The following ZNF385D variants were observed in gnomAD, a reference collection of about 807,000 sequenced individuals.
ZNF385D encodes the protein zinc finger protein 659.
In ZNF385D, 15 loss-of-function variants were observed where a neutral mutation model predicts 35.8. The ratio of observed to expected loss-of-function variants is 0.42; its 90% CI spans 0.28 to 0.64. The LOEUF is 0.64. ZNF385D is among the 30% of genes least tolerant of loss of function. The probability of loss-of-function intolerance (pLI) is 0.23; values close to 1 mark genes in which losing one functional copy is unlikely to be tolerated. For missense variants in ZNF385D, 474 were observed against 494.6 expected (o/e 0.96, Z 0.39); for synonymous variants, 212 against 186.8 (o/e 1.13, Z -1.10).
intron 4 of ZNF385D, among the ~76,000 whole-genome samples, chr3:21,487,183 C>T (rs1358074811): frequency 6.6e-6 from 1 of 152,118 alleles, no homozygotes; most frequent in South Asian, 2.1e-4. Context: ...ACAACTCGCA[C>T]TTTACCCTCA....
chr3:21,850,649 G>C (rs1371771277), intron 3 of ZNF385D, among the ~76,000 whole-genome samples: 1 of 152,124 alleles, frequency 6.6e-6, no homozygotes, highest in Non-Finnish European at 1.5e-5. Flanking sequence ...GGAGCTAAAA[G>C]TTAGAAATTG....
chr3:21,639,413 A>T (rs2065536937), intron 2 of ZNF385D, among the ~76,000 whole-genome samples: 1 of 151,514 alleles, frequency 6.6e-6, no homozygotes. Flanking sequence ...ACATTACATA[A>T]ATAAATAAAG....
intron 3 of ZNF385D, among the ~76,000 whole-genome samples, chr3:21,904,688 G>A (rs1699585758): frequency 6.6e-6 from 1 of 152,038 alleles, no homozygotes; most frequent in South Asian, 2.1e-4. Flanking sequence ...TTACTGACTG[G>A]AAATTCTCTC....
At chr3:22,027,111 C>G (rs1369002752) in intron 3 of ZNF385D, among the ~76,000 whole-genome samples, 1 of 152,220 alleles carries the variant, frequency 6.6e-6, no homozygotes, top group Non-Finnish European at 1.5e-5. Flanking sequence ...TATACCTTTA[C>G]TGTCCTACCT....
chr3:21,745,788 C>T (rs954697887), intron 1 of ZNF385D, among the ~76,000 whole-genome samples: 1 of 152,168 alleles, frequency 6.6e-6, no homozygotes, highest in African/African-American at 2.4e-5. Flanking sequence ...AAATAGGCTT[C>T]TGCTTATACA....
At chr3:21,782,988 T>A (rs2071549657) in intron 3 of ZNF385D, among the ~76,000 whole-genome samples, 1 of 152,150 alleles carries the variant, frequency 6.6e-6, no homozygotes, top group Non-Finnish European at 1.5e-5. Context: ...ACTAAAATAG[T>A]CACACCTCGA....
At chr3:21,801,128 C>G (rs1157100648) in intron 3 of ZNF385D, among the ~76,000 whole-genome samples, 1 of 152,056 alleles carries the variant, frequency 6.6e-6, no homozygotes, top group East Asian at 1.9e-4. Flanking sequence ...TACATTGATT[C>G]ATTGATTTCA....
In ZNF385D at chr3:21,948,311, T is replaced by TA. The variant is rs199643844; in HGVS notation, c.325+220505dup. Among the ~76,000 whole-genome samples, 620 of 152,034 alleles carry TA rather than the reference T, an allele frequency of 4.1e-3. 6 individuals are homozygous for TA. Among genetic ancestry groups the TA allele is most frequent in the Admixed American group, 4.8e-3 (74 of 15,278 alleles). ...ATGACATAAAATGTAAAAAGCAAAT[T>TA]AAAAAAAACTTTCCTGGTATTAATA... On this transcript the variant is annotated intron_variant, in intron 3 of 5. Transcript: ENST00000494108.
intron 2 of ZNF385D, among the ~76,000 whole-genome samples, chr3:22,176,742 C>A (rs1694855815): frequency 6.6e-6 from 1 of 151,970 alleles, no homozygotes; most frequent in African/African-American, 2.4e-5. Context: ...TCCTCAGTTT[C>A]AAAAAGAAAT....
At chr3:22,245,910 A>T (rs1699751857) in intron 2 of ZNF385D, among the ~76,000 whole-genome samples, 1 of 152,092 alleles carries the variant, frequency 6.6e-6, no homozygotes, top group South Asian at 2.1e-4. Context: ...TTCCAGGAAA[A>T]TCTGCAAAGT....
intron 2 of ZNF385D, among the ~76,000 whole-genome samples, chr3:22,185,743 G>C (rs1389373179): frequency 6.6e-6 from 1 of 152,204 alleles, no homozygotes; most frequent in African/African-American, 2.4e-5. Flanking sequence ...TGGGATTACA[G>C]GTGTGAGCCA....
intron 2 of ZNF385D, among the ~76,000 whole-genome samples, chr3:22,271,968 T>C (rs1272791258): frequency 6.6e-6 from 1 of 152,046 alleles, no homozygotes; most frequent in African/African-American, 2.4e-5. Context: ...ATACACAGTA[T>C]GATACTCTCT....
At chr3:21,436,719 C>A (rs914835602) in intron 5 of ZNF385D, 19 of 409,172 alleles carry the variant, frequency 4.6e-5, no homozygotes, top group Non-Finnish European at 6.5e-5. Context: ...GATTGTATTT[C>A]ATTTTATCTC....
At chr3:21,977,872 C>T (rs1344297205) in intron 3 of ZNF385D, among the ~76,000 whole-genome samples, 1 of 151,910 alleles carries the variant, frequency 6.6e-6, no homozygotes, top group Non-Finnish European at 1.5e-5. Context: ...AAAGATGATT[C>T]AATAGCTCTG....
intron 2 of ZNF385D, among the ~76,000 whole-genome samples, chr3:22,197,023 T>G (rs1410878798): frequency 3.9e-5 from 6 of 152,244 alleles, no homozygotes; most frequent in Admixed American, 2.0e-4. Context: ...AATTTGTAAG[T>G]ATTATTCCAT....
chr3:21,670,598 C>T (rs1173008414), intron 1 of ZNF385D, among the ~76,000 whole-genome samples: 6 of 120,426 alleles, frequency 5.0e-5, no homozygotes, highest in Middle Eastern at 4.9e-3. Context: ...AATAAGAAGT[C>T]GAAAATAAAT....
chr3:22,197,932 G>A (rs1696528771), intron 2 of ZNF385D, among the ~76,000 whole-genome samples: 1 of 152,062 alleles, frequency 6.6e-6, no homozygotes, highest in South Asian at 2.1e-4. Context: ...AGCTTTCATA[G>A]CTGTGTGGAG....
At chr3:21,804,652 A>G (rs1272951267) in intron 3 of ZNF385D, among the ~76,000 whole-genome samples, 2 of 152,152 alleles carry the variant, frequency 1.3e-5, no homozygotes, top group East Asian at 3.9e-4. Flanking sequence ...CCTCTGGGCA[A>G]TTCATTTTAG....
chr3:21,634,823 T>A (rs1385798700), intron 2 of ZNF385D, among the ~76,000 whole-genome samples: 1 of 152,060 alleles, frequency 6.6e-6, no homozygotes, highest in Non-Finnish European at 1.5e-5. Context: ...TTACTCTTTT[T>A]TTTTTTGGAT....
Sources: gnomAD v4.1 joint callset for allele counts (sites outside exome capture counted in the v4.1 genomes callset) on GRCh38, gnomAD v4.1.1 for gene constraint, MANE v1.5 for transcripts, NCBI Gene and HGNC (gene_info 2026-07-23, HGNC 2026-07-21) for gene names.